SULF2: variants seen among roughly 807,000 people sequenced by gnomAD.
SULF2 encodes sulfatase 2.
SULF2 carries 52 observed loss-of-function variants against 107.7 expected under a neutral mutation model. The ratio of observed to expected loss-of-function variants is 0.48; its 90% CI spans 0.39 to 0.61. The LOEUF is 0.61. Ranked by LOEUF, SULF2 falls within the 20% of genes least tolerant of loss-of-function variation. The pLI is 0.00. For synonymous variants in SULF2, 460 were observed against 464.3 expected, an observed-to-expected ratio of 0.99 and a Z score of 0.12; for missense variants, 993 against 1,177.3, an observed-to-expected ratio of 0.84 and a Z score of 2.29.
In SULF2 at chr20:47,746,985, A is replaced by AT. The variant is rs1287893402; in HGVS notation, c.176-10044_176-10043insA. On this transcript the variant is annotated intron_variant, in intron 2 of 20. Transcript: ENST00000688720. ...TGTACCCTAGAACTTAAATAAATAA[A>AT]AAAAAAAAAATATATATATATATAT... Among the ~76,000 whole-genome samples the AT allele has an allele frequency of 3.2e-3, 110 of 34,682 alleles. 1 individual carries two copies. Among genetic ancestry groups the AT allele is most frequent in the Middle Eastern group, 0.011 (1 of 94 alleles). The allele number at this position is 34,682 out of a possible 152,430, so 22.8% of individuals were successfully genotyped here. A position where few individuals can be genotyped will look rare whatever the true frequency, so the allele number is the denominator to read the frequency against.
chr20:47,702,641 T>C lies in SULF2; in HGVS notation c.445A>G (p.Asn149Asp). 1.2e-6 allele frequency: 2 copies of C among 1,613,986 alleles called. No homozygotes were observed. Among genetic ancestry groups the C allele is most frequent in the Non-Finnish European group, 1.7e-6 (2 of 1,180,016 alleles). ...AFFGKYLNEY[N>D]GSYVPPGWKE... ...CAGCCGGGTGGCACGTAGGAGCCGT[T>C]GTATTCATTAAGATACTTCCCGAAG... The change falls in exon 4 of 21, where the codon AAC (asparagine) becomes GAC (aspartate). Residue 149 changes from asparagine (N) to aspartate (D), a missense_variant. By Grantham distance (23) the Asn-to-Asp change is conservative. Transcript: ENST00000688720.
In SULF2 at chr20:47,730,006, A is replaced by G. The variant is rs552364523; in HGVS notation, c.415+6697T>C. ...TGTGAGAGGGCGATGGGGTGCCCCAAGTGTAGTGTAGTGTAGATGGGGTGG... is the reference window on the plus strand; with the variant it reads ...TGTGAGAGGGCGATGGGGTGCCCCAGGTGTAGTGTAGTGTAGATGGGGTGG... On this transcript the variant is annotated intron_variant, in intron 3 of 20. Coordinates refer to ENST00000688720, the MANE Select transcript of SULF2 (RefSeq NM_001387048.1). Among the ~76,000 whole-genome samples the G allele has an allele frequency of 4.6e-5, 7 of 152,214 alleles. No homozygotes were observed. The South Asian group carries it at 1.4e-3, about 32-fold the overall frequency.
chr20:47,763,958 C>T (rs2090472461), intron 1 of SULF2, among the ~76,000 whole-genome samples: 1 of 152,218 alleles, frequency 6.6e-6, no homozygotes, highest in Non-Finnish European at 1.5e-5. Flanking sequence ...ACCCAACCTG[C>T]TCCATCACCT....
At chr20:47,756,458 G>A (rs1376567537) in intron 2 of SULF2, among the ~76,000 whole-genome samples, 1 of 152,160 alleles carries the variant, frequency 6.6e-6, no homozygotes, top group Non-Finnish European at 1.5e-5. Flanking sequence ...TTTCCTGGTA[G>A]CTAAAAGACA....
At chr20:47,749,818 C>G (rs117117749) in intron 2 of SULF2, among the ~76,000 whole-genome samples, 2,226 of 152,334 alleles carry the variant, frequency 0.015, 24 homozygotes, top group Non-Finnish European at 0.021. Flanking sequence ...AAAGCACAAA[C>G]AAGCACACAG....
chr20:47,779,752 G>T (rs951383059), intron 1 of SULF2, among the ~76,000 whole-genome samples: 1 of 152,012 alleles, frequency 6.6e-6, no homozygotes, highest in Non-Finnish European at 1.5e-5. Context: ...GATTACAGGT[G>T]TGCGCCACCG....
rs112082718 is a variant in SULF2, at chr20:47,669,239, C to T, written c.1577-2751G>A. 9.4e-4 allele frequency among the ~76,000 whole-genome samples: 143 copies of T among 152,288 alleles called. 1 individual carries two copies. In the South Asian group the frequency reaches 0.01, roughly 11 times the overall value. Reference sequence around the variant, plus strand: ...ATCCCCCGAGTCCTCGTCCCCTTCTCCTGTTCCTGGGTCCCCCTTCTGCTG... The same window carrying T: ...ATCCCCCGAGTCCTCGTCCCCTTCTTCTGTTCCTGGGTCCCCCTTCTGCTG... On this transcript the variant is annotated intron_variant, in intron 11 of 20. Transcript: ENST00000688720.
chr20:47,679,265 G>T (rs2087750307), intron 7 of SULF2, among the ~76,000 whole-genome samples: 1 of 152,052 alleles, frequency 6.6e-6, no homozygotes, highest in Non-Finnish European at 1.5e-5. Flanking sequence ...TTTCCCTGGA[G>T]ATCAGGGGCC....
At chr20:47,785,260 C>T (rs2090904181) in intron 1 of SULF2, 83 bp downstream of exon 1, 1 of 148,656 alleles carries the variant, frequency 6.7e-6, no homozygotes, top group Non-Finnish European at 1.5e-5. Flanking sequence ...CGGGCTCACG[C>T]CGGGGAAGGC....
At chr20:47,777,713 A>G (rs62202166) in intron 1 of SULF2, among the ~76,000 whole-genome samples, 5,834 of 152,316 alleles carry the variant, frequency 0.038, 180 homozygotes, top group Non-Finnish European at 0.061. Context: ...AAATATCCAG[A>G]TAAGTGGCCT....
chr20:47,721,336 T>C (rs922365594), intron 3 of SULF2, among the ~76,000 whole-genome samples: 7 of 151,332 alleles, frequency 4.6e-5, no homozygotes, highest in Non-Finnish European at 5.9e-5. Flanking sequence ...CTGGGAGAAA[T>C]GCTCTCCTCC....
At chr20:47,751,741 C>T (rs1229190311) in intron 2 of SULF2, among the ~76,000 whole-genome samples, 3 of 152,246 alleles carry the variant, frequency 2.0e-5, no homozygotes, top group South Asian at 4.2e-4. Flanking sequence ...CAATCCTGCT[C>T]GAGTTGGGTT....
intron 3 of SULF2, among the ~76,000 whole-genome samples, chr20:47,720,424 T>A (rs2089255551): frequency 6.6e-6 from 1 of 151,892 alleles, no homozygotes; most frequent in South Asian, 2.1e-4. Flanking sequence ...CCCGGCTAAT[T>A]CTTTTGTATT....
chr20:47,672,046 G>T, intron 11 of SULF2, 152 bp downstream of exon 11: 1 of 726,016 alleles, frequency 1.4e-6, no homozygotes, highest in Non-Finnish European at 2.2e-6. Context: ...ACTAGAATGG[G>T]TGGCTCGTGA....
In SULF2 at chr20:47,676,687, T is replaced by C. The variant is rs2087653136; in HGVS notation, c.1251-64A>G. ...CAGCTCTGGAGGAGCCCCGGAGGCA[T>C]GTGTGCCCACCTAGAGGGGTGCCCC... is the stretch of plus-strand genomic sequence containing the variant. On this transcript the variant is annotated intron_variant, in intron 9 of 20. Coordinates refer to ENST00000688720, the MANE Select transcript of SULF2 (RefSeq NM_001387048.1). 1.9e-6 allele frequency: 3 copies of C among 1,539,280 alleles called. No individual in the cohort carries two copies. In the South Asian group the frequency reaches 3.6e-5, roughly 18 times the overall value.
chr20:47,727,165 G>A (rs1185303440), intron 3 of SULF2, among the ~76,000 whole-genome samples: 1 of 152,182 alleles, frequency 6.6e-6, no homozygotes, highest in Admixed American at 6.5e-5. Context: ...GAGGGTGACC[G>A]TGTTTGTAAC....
At chr20:47,699,733 T>G (rs2088501500) in intron 4 of SULF2, among the ~76,000 whole-genome samples, 1 of 152,218 alleles carries the variant, frequency 6.6e-6, no homozygotes, top group Non-Finnish European at 1.5e-5. Context: ...AAAGTCTGAA[T>G]TAGTTGCCAA....
chr20:47,696,330 T>A (rs1487996309), intron 4 of SULF2, among the ~76,000 whole-genome samples: 2 of 152,224 alleles, frequency 1.3e-5, no homozygotes, highest in African/African-American at 4.8e-5. Flanking sequence ...ACCATATGCC[T>A]ACATTTTCTT....
At chr20:47,726,689 G>A (rs1258613022) in intron 3 of SULF2, among the ~76,000 whole-genome samples, 2 of 152,308 alleles carry the variant, frequency 1.3e-5, no homozygotes, top group Admixed American at 6.5e-5. Flanking sequence ...TAGTGGCAAC[G>A]GTACTGGGCC....
Sources: allele counts gnomAD v4.1 joint callset (sites outside exome capture counted in the v4.1 genomes callset), GRCh38; gene constraint gnomAD v4.1.1; transcripts MANE v1.5; gene names NCBI Gene and HGNC (gene_info 2026-07-23, HGNC 2026-07-21).